The following GRIK3 variants were observed in gnomAD, a reference collection of about 807,000 sequenced individuals.
GRIK3 encodes glutamate ionotropic receptor kainate type subunit 3, also known as glutamate receptor ionotropic, kainate 3.
GRIK3 carries 29 observed loss-of-function variants against 102.5 expected under a neutral mutation model. The ratio of observed to expected loss-of-function variants is 0.28; its 90% CI spans 0.21 to 0.39. The LOEUF is 0.39. GRIK3 is among the 10% of genes least tolerant of loss of function. The probability of loss-of-function intolerance (pLI) is 1.00; values close to 1 mark genes in which losing one functional copy is unlikely to be tolerated. For missense variants in GRIK3, 908 were observed against 1,252.4 expected, an observed-to-expected ratio of 0.73 and a Z score of 4.15; for synonymous variants, 511 against 504.9, an observed-to-expected ratio of 1.01 and a Z score of -0.16.
intron 1 of GRIK3, among the ~76,000 whole-genome samples, chr1:37,003,275 C>A (rs1642497748): frequency 2.0e-5 from 3 of 152,086 alleles, no homozygotes; most frequent in Admixed American, 2.0e-4. Context: ...AAATGTAATT[C>A]ATGTAAACAA....
Position 36,853,730 on chromosome 1 carries a change from G to A in GRIK3, c.1105-8C>T, listed in dbSNP as rs1415984930. ...TAATCCTTCCCATTGAGCCTGCGGA[G>A]GGGAGAGGGCAGAGCGGCAATTCCT... On this transcript the variant is annotated splice_polypyrimidine_tract_variant and splice_region_variant and intron_variant, in intron 7 of 15. Transcript: ENST00000373091. The A allele has an allele frequency of 2.0e-6, 3 of 1,531,720 alleles. No individual in the cohort carries two copies. The highest frequency in any genetic ancestry group is 1.4e-5 in the African/African-American group (1 of 73,548). 94.9% of individuals were successfully genotyped at this position (1,531,720 alleles called of 1,614,324 possible).
chr1:36,940,184 G>A (rs1309197952), intron 1 of GRIK3, among the ~76,000 whole-genome samples: 5 of 152,262 alleles, frequency 3.3e-5, no homozygotes, highest in Admixed American at 1.3e-4. Context: ...TGGAGGCCCA[G>A]AGATGGGACA....
At chr1:36,907,335 AC>A (rs1489176202) in intron 1 of GRIK3, among the ~76,000 whole-genome samples, 1 of 152,224 alleles carries the variant, frequency 6.6e-6, no homozygotes, top group Non-Finnish European at 1.5e-5. Flanking sequence ...ACCCCAAAGG[AC>A]AGAACCCAGG....
chr1:36,941,741 A>T (rs987825147), intron 1 of GRIK3, among the ~76,000 whole-genome samples: 7 of 152,168 alleles, frequency 4.6e-5, no homozygotes, highest in African/African-American at 1.7e-4. Context: ...CTGCAAAATC[A>T]AGCTTATTTT....
chr1:36,867,872 C>G (rs745538677), intron 5 of GRIK3, among the ~76,000 whole-genome samples: 2 of 152,172 alleles, frequency 1.3e-5, no homozygotes, highest in Non-Finnish European at 2.9e-5. Flanking sequence ...CTGGCTCAAG[C>G]CTCATTCCAA....
At chr1:36,812,686 G>A (rs1280270120) in intron 13 of GRIK3, among the ~76,000 whole-genome samples, 2 of 152,166 alleles carry the variant, frequency 1.3e-5, no homozygotes, top group East Asian at 1.9e-4. Flanking sequence ...AGAGCCCCCC[G>A]AGAGCCCAGC....
intron 15 of GRIK3, among the ~76,000 whole-genome samples, chr1:36,803,560 A>T (rs1377965217): frequency 2.0e-5 from 3 of 152,076 alleles, no homozygotes; most frequent in Middle Eastern, 3.2e-3. Context: ...CCTCCTGAGT[A>T]GCTGGGACTA....
chr1:37,003,902 G>A (rs563872428), intron 1 of GRIK3, among the ~76,000 whole-genome samples: 5 of 152,268 alleles, frequency 3.3e-5, no homozygotes, highest in Admixed American at 1.3e-4. Flanking sequence ...CTCTTCTGCT[G>A]GATGCTGCCC....
rs575206288 is a variant in GRIK3 at position 36,962,529 on chromosome 1, T to C, written c.116-71433A>G. Among the ~76,000 whole-genome samples the C allele has an allele frequency of 2.0e-5, 3 of 151,782 alleles. No homozygotes were observed. In the East Asian group the frequency reaches 5.9e-4, roughly 30 times the overall value. On this transcript the variant is annotated intron_variant, in intron 1 of 15. Transcript: ENST00000373091. ...TGAGGGCCAAGAAACCCAGAAGACC[T>C]GGAGACTCCTAAGCCAGGGCCCTGG... is the stretch of plus-strand genomic sequence containing the variant.
chr1:36,956,752 G>A (rs1369966812), intron 1 of GRIK3, among the ~76,000 whole-genome samples: 5 of 152,238 alleles, frequency 3.3e-5, no homozygotes, highest in South Asian at 2.1e-4. Flanking sequence ...GACTGGCCCC[G>A]GGCCAACAAT....
intron 2 of GRIK3, among the ~76,000 whole-genome samples, chr1:36,883,777 T>C (rs569982882): frequency 6.6e-5 from 10 of 152,302 alleles, no homozygotes; most frequent in African/African-American, 2.4e-4. Context: ...ATGGTCCAGA[T>C]TGATCCAGAT....
intron 1 of GRIK3, among the ~76,000 whole-genome samples, chr1:37,002,411 C>A (rs550108146): frequency 1.2e-3 from 190 of 152,216 alleles, no homozygotes; most frequent in African/African-American, 4.3e-3. Context: ...AGTAAAGGTG[C>A]GATGGAGAGA....
At position 36,959,798 on chromosome 1, in the gene GRIK3, C is replaced by A. The variant is rs529604284; in HGVS notation, c.116-68702G>T. The stretch of plus-strand genomic sequence containing the variant: ...CCTGTGTGCCCTGTGAGCCTGTGTA[C>A]CCCATGACTCTGTGCCCCATGAGCC... On this transcript the variant is annotated intron_variant, in intron 1 of 15. Transcript: ENST00000373091. Among the ~76,000 whole-genome samples, 276 of 122,428 alleles carry A rather than the reference C, an allele frequency of 2.3e-3. 7 individuals carry two copies. Among genetic ancestry groups the A allele is most frequent in the African/African-American group, 7.5e-3 (262 of 35,086 alleles). The allele number at this position is 122,428 out of a possible 152,430, so 80.3% of individuals were successfully genotyped here. A position where few individuals can be genotyped will look rare whatever the true frequency, so the allele number is the denominator to read the frequency against.
At position 37,021,162 on chromosome 1, in the gene GRIK3, G is replaced by A. The variant is rs565910574; in HGVS notation, c.115+12832C>T. On this transcript the variant is annotated intron_variant, in intron 1 of 15. Transcript: ENST00000373091. The stretch of plus-strand genomic sequence containing the variant: ...AGAGAGAGAGAGAGAGAATAGGAGC[G>A]TAGATCAGGTTTTCTTAATAGGATG... 7.3e-5 allele frequency among the ~76,000 whole-genome samples: 11 copies of A among 151,362 alleles called. No individual in the cohort carries two copies. The East Asian group carries it at 7.8e-4, about 11-fold the overall frequency.
rs113354765 is a variant in GRIK3 at position 36,881,622 on chromosome 1, G to A, written c.293-731C>T. Among the ~76,000 whole-genome samples, 926 of 152,194 alleles carry A rather than the reference G, an allele frequency of 6.1e-3. 7 individuals carry two copies. Among genetic ancestry groups the A allele is most frequent in the African/African-American group, 0.021 (877 of 41,516 alleles). On this transcript the variant is annotated intron_variant, in intron 2 of 15. Coordinates refer to ENST00000373091, the MANE Select transcript of GRIK3 (RefSeq NM_000831.4). ...CCCGACTCCCATCCTGGTCCAAGCC[G>A]CCATCATCTTTGGCTTGGATTATTG...
At chr1:37,016,134 A>T (rs1156528582) in intron 1 of GRIK3, among the ~76,000 whole-genome samples, 3 of 152,178 alleles carry the variant, frequency 2.0e-5, no homozygotes, top group Non-Finnish European at 1.5e-5. Context: ...GAAGTTTCCC[A>T]CCTGGCCCCA....
At chr1:36,862,782 T>C (rs191475229) in intron 5 of GRIK3, among the ~76,000 whole-genome samples, 9 of 152,286 alleles carry the variant, frequency 5.9e-5, no homozygotes, top group East Asian at 3.9e-4. Context: ...ACCTACCATA[T>C]AGAGTTGTCA....
At chr1:36,807,224 G>A (rs1271290763) in intron 13 of GRIK3, among the ~76,000 whole-genome samples, 2 of 152,118 alleles carry the variant, frequency 1.3e-5, no homozygotes, top group East Asian at 1.9e-4. Context: ...CTGGGGAGAC[G>A]CAGAGAGGTC....
intron 13 of GRIK3, among the ~76,000 whole-genome samples, chr1:36,811,607 C>T (rs925756669): frequency 6.6e-6 from 1 of 152,148 alleles, no homozygotes; most frequent in Non-Finnish European, 1.5e-5. Flanking sequence ...ATCTCAATGG[C>T]TCCATAAGGT....
Sources: gnomAD v4.1 joint callset for allele counts (sites outside exome capture counted in the v4.1 genomes callset) on GRCh38, gnomAD v4.1.1 for gene constraint, MANE v1.5 for transcripts, NCBI Gene and HGNC (gene_info 2026-07-23, HGNC 2026-07-21) for gene names.